Variants in PAX7 observed in about 807,000 individuals in gnomAD.
PAX7 encodes the protein paired box protein Pax-7.
Under a neutral mutation model 50.7 loss-of-function variants are expected in PAX7, and 18 were observed. That is an observed-to-expected ratio of 0.36 (90% CI 0.25 to 0.53). The LOEUF (loss-of-function observed/expected upper bound fraction) is 0.53. PAX7 is among the 20% of genes least tolerant of loss of function. The probability of loss-of-function intolerance (pLI) is 0.93; values close to 1 mark genes in which losing one functional copy is unlikely to be tolerated. For synonymous variants in PAX7, 310 were observed against 290.4 expected, an observed-to-expected ratio of 1.07 and a Z score of -0.69; for missense variants, 644 against 702.9, an observed-to-expected ratio of 0.92 and a Z score of 0.95.
At chr1:18,640,474 G>A (rs2088234057) in intron 4 of PAX7, among the ~76,000 whole-genome samples, 2 of 152,158 alleles carry the variant, frequency 1.3e-5, no homozygotes, top group Admixed American at 1.3e-4. Context: ...AACCAGGAAG[G>A]GGCGGGGGCG....
chr1:18,699,330 TAGATGCG>T, intron 5 of PAX7, among the ~76,000 whole-genome samples: 1 of 152,132 alleles, frequency 6.6e-6, no homozygotes, highest in East Asian at 1.9e-4. Flanking sequence ...GAACCCACCT[TAGATGCG>T]GCAATTAAGG....
intron 4 of PAX7, among the ~76,000 whole-genome samples, chr1:18,650,196 G>T (rs1286551203): frequency 1.3e-5 from 2 of 152,174 alleles, no homozygotes; most frequent in Non-Finnish European, 2.9e-5. Flanking sequence ...TGTGGTTATT[G>T]GTCTTCAGAG....
chr1:18,725,979 A>AGTGTGTGTGTGT (rs112228737), intron 7 of PAX7, among the ~76,000 whole-genome samples: 2 of 145,632 alleles, frequency 1.4e-5, no homozygotes, highest in African/African-American at 5.2e-5. Flanking sequence ...ACATTGGAAG[A>AGTGTGTGTGTGT]GTGTGTGTGT....
Position 18,632,812 on chromosome 1 carries a change from C to G in PAX7, c.85+1124C>G, listed in dbSNP as rs1223706347. On this transcript the variant is annotated intron_variant, in intron 1 of 8. Transcript: ENST00000420770. This position sits in a 1 kb window ranked among gnomAD's most constrained non-coding sequence, Gnocchi z 6.3. ...CTGAATTAGACAGAGGCGAAGAGAG[C>G]GGCTCCGTGATCAAGTGCGCGCCGG... 1.3e-5 allele frequency among the ~76,000 whole-genome samples: 2 copies of G among 152,120 alleles called. No homozygotes were observed. Among genetic ancestry groups the G allele is most frequent in the East Asian group, 3.9e-4 (2 of 5,154 alleles).
chr1:18,693,121 G>T (rs1201662995), intron 5 of PAX7, among the ~76,000 whole-genome samples: 1 of 152,150 alleles, frequency 6.6e-6, no homozygotes, highest in Non-Finnish European at 1.5e-5. Flanking sequence ...GCTGTCTTCT[G>T]CATGGATTGG....
At chr1:18,702,001 C>T (rs1402483525) in intron 6 of PAX7, among the ~76,000 whole-genome samples, 1 of 152,094 alleles carries the variant, frequency 6.6e-6, no homozygotes, top group African/African-American at 2.4e-5. Flanking sequence ...ACCCCAGAAG[C>T]CCTGTCCCAG....
At chr1:18,682,051 TA>T (rs1389304792) in intron 4 of PAX7, among the ~76,000 whole-genome samples, 1 of 152,158 alleles carries the variant, frequency 6.6e-6, no homozygotes, top group East Asian at 1.9e-4. Context: ...CTTAGAATTT[TA>T]AAATCCGGCC....
intron 4 of PAX7, among the ~76,000 whole-genome samples, chr1:18,660,462 G>A (rs1261330512): frequency 6.6e-6 from 1 of 152,130 alleles, no homozygotes; most frequent in African/African-American, 2.4e-5. Context: ...ACCAAAGTGG[G>A]GGATGATTGA....
chr1:18,641,853 G>T (rs1055812083), intron 4 of PAX7, among the ~76,000 whole-genome samples: 8 of 152,232 alleles, frequency 5.3e-5, no homozygotes, highest in Admixed American at 2.0e-4. Context: ...GAGCTATTTG[G>T]CTGGGTAAAA....
chr1:18,642,919 G>A (rs961986057), intron 4 of PAX7, among the ~76,000 whole-genome samples: 7 of 151,890 alleles, frequency 4.6e-5, no homozygotes, highest in African/African-American at 1.5e-4. Context: ...GCATGGGAAG[G>A]GGAGGGGCCT....
chr1:18,641,491 C>G (rs2088252955), intron 4 of PAX7, among the ~76,000 whole-genome samples: 1 of 152,228 alleles, frequency 6.6e-6, no homozygotes, highest in African/African-American at 2.4e-5. Context: ...TCTTGGAACG[C>G]AGGCACGTCT....
At chr1:18,640,772 G>A (rs1251771813) in intron 4 of PAX7, among the ~76,000 whole-genome samples, 1 of 151,648 alleles carries the variant, frequency 6.6e-6, no homozygotes, top group Non-Finnish European at 1.5e-5. Flanking sequence ...TTTAGGCAGC[G>A]CTCGGCGGTG....
At chr1:18,660,315 C>T (rs2088582270) in intron 4 of PAX7, among the ~76,000 whole-genome samples, 1 of 152,178 alleles carries the variant, frequency 6.6e-6, no homozygotes, top group Admixed American at 6.5e-5. Flanking sequence ...CAGGACACAG[C>T]AGGCCTCTGA....
rs897168396 is a variant in PAX7 at position 18,748,209 on chromosome 1, G to A, written c.*3280G>A. ...TCTGACTCTGGCTTGAGAACAGGAC[G>A]GGTCCCAGAGTTTGACCACTGCCAG... On this transcript the variant is annotated 3_prime_UTR_variant, in exon 9 of 9. Transcript: ENST00000420770. 7 of 224,714 alleles carry A rather than the reference G, an allele frequency of 3.1e-5. No individual in the cohort carries two copies. The highest frequency in any genetic ancestry group is 1.8e-4 in the South Asian group (1 of 5,422). 13.9% of individuals were successfully genotyped at this position (224,714 alleles called of 1,614,324 possible). A position where few individuals can be genotyped will look rare whatever the true frequency, so the allele number is the denominator to read the frequency against.
At chr1:18,642,729 G>A (rs1395922341) in intron 4 of PAX7, among the ~76,000 whole-genome samples, 1 of 152,104 alleles carries the variant, frequency 6.6e-6, no homozygotes, top group African/African-American at 2.4e-5. Context: ...CCCCGGCTGG[G>A]GTGGAGCAGG....
At chr1:18,738,631 G>A (rs539164082) in intron 8 of PAX7, among the ~76,000 whole-genome samples, 75 of 150,016 alleles carry the variant, frequency 5.0e-4, no homozygotes, top group African/African-American at 1.8e-3. Flanking sequence ...CACCCCTGCT[G>A]CCCTGGCTTC....
At chr1:18,690,619 C>A (rs576655310) in intron 4 of PAX7, among the ~76,000 whole-genome samples, 1 of 152,238 alleles carries the variant, frequency 6.6e-6, no homozygotes, top group Non-Finnish European at 1.5e-5. Flanking sequence ...TAACCCCAAC[C>A]AGGCCTGGGA....
chr1:18,728,961 G>GGGA (rs1236187749), intron 7 of PAX7, among the ~76,000 whole-genome samples: 1 of 152,172 alleles, frequency 6.6e-6, no homozygotes, highest in African/African-American at 2.4e-5. Context: ...ACAGACCCAG[G>GGGA]GGAGAGGCCC....
chr1:18,713,459 A>T (rs147614109), intron 7 of PAX7, among the ~76,000 whole-genome samples: 1 of 152,254 alleles, frequency 6.6e-6, no homozygotes, highest in Non-Finnish European at 1.5e-5. Flanking sequence ...GCTGTAGTCC[A>T]TTCTCAGGAG....
Sources: allele counts gnomAD v4.1 joint callset (sites outside exome capture counted in the v4.1 genomes callset), GRCh38; gene constraint gnomAD v4.1.1; non-coding constraint Gnocchi (gnomAD v3.1); transcripts MANE v1.5; gene names NCBI Gene and HGNC (gene_info 2026-07-23, HGNC 2026-07-21).